The following SGCZ variants were observed in gnomAD, a reference collection of about 807,000 sequenced individuals.
SGCZ encodes sarcoglycan zeta, also known as zeta-sarcoglycan.
Under a neutral mutation model 41.3 loss-of-function variants are expected in SGCZ, and 40 were observed. The observed-to-expected ratio is 0.97, with a 90% CI of 0.75 to 1.26. The LOEUF (loss-of-function observed/expected upper bound fraction) is 1.26, where lower values mean the gene tolerates loss of function less well. Ranked by LOEUF, SGCZ falls within the 50% of genes most tolerant of loss-of-function variation. The pLI is 0.00. For synonymous variants in SGCZ, 206 were observed against 137.5 expected (o/e 1.50, Z -3.49); for missense variants, 552 against 369.8 (o/e 1.49, Z -4.04).
At chr8:14,195,426 G>C (rs1305158220) in intron 4 of SGCZ, among the ~76,000 whole-genome samples, 1 of 152,072 alleles carries the variant, frequency 6.6e-6, no homozygotes, top group African/African-American at 2.4e-5. Flanking sequence ...CTTCAGCTGA[G>C]TTCACGTACT....
At chr8:14,425,018 G>C (rs1347834832) in intron 2 of SGCZ, among the ~76,000 whole-genome samples, 1 of 152,100 alleles carries the variant, frequency 6.6e-6, no homozygotes, top group African/African-American at 2.4e-5. Context: ...TCGTTATTGA[G>C]CTTGAAATAT....
At chr8:15,192,573 G>C (rs1800578316) in intron 1 of SGCZ, among the ~76,000 whole-genome samples, 1 of 151,970 alleles carries the variant, frequency 6.6e-6, no homozygotes, top group Non-Finnish European at 1.5e-5. Flanking sequence ...TTGGTATTTG[G>C]AGGGACAGCC....
intron 1 of SGCZ, among the ~76,000 whole-genome samples, chr8:14,784,935 A>AT (rs1563267388): frequency 1.5e-4 from 10 of 68,526 alleles, no homozygotes; most frequent in South Asian, 5.0e-4. Flanking sequence ...TATATATATA[A>AT]AATATATATA....
At chr8:15,153,800 T>A (rs1485420033) in intron 1 of SGCZ, among the ~76,000 whole-genome samples, 1 of 152,134 alleles carries the variant, frequency 6.6e-6, no homozygotes, top group Non-Finnish European at 1.5e-5. Context: ...TGCAGGCCCA[T>A]GAGTCAATTA....
chr8:14,886,150 C>G (rs193283008), intron 1 of SGCZ, among the ~76,000 whole-genome samples: 1 of 150,654 alleles, frequency 6.6e-6, no homozygotes, highest in African/African-American at 2.4e-5. Flanking sequence ...TAAGCCAGAC[C>G]GTTAGTATTG....
chr8:14,123,258 A>G (rs1802754832), intron 5 of SGCZ, among the ~76,000 whole-genome samples: 1 of 152,234 alleles, frequency 6.6e-6, no homozygotes, highest in Admixed American at 6.5e-5. Context: ...TAAAGACCGA[A>G]AATAACAAAG....
intron 4 of SGCZ, among the ~76,000 whole-genome samples, chr8:14,196,172 G>C (rs145442875): frequency 0.01 from 1,589 of 151,976 alleles, 21 homozygotes; most frequent in Non-Finnish European, 0.017. Flanking sequence ...ATAAGCTATA[G>C]ATTTATATTA....
chr8:14,826,333 TG>T (rs1299404233), intron 1 of SGCZ, among the ~76,000 whole-genome samples: 1 of 152,148 alleles, frequency 6.6e-6, no homozygotes, highest in Non-Finnish European at 1.5e-5. Context: ...CAGTCTATCA[TG>T]GTTGGACATT....
intron 5 of SGCZ, among the ~76,000 whole-genome samples, chr8:14,157,406 T>C (rs1456795148): frequency 1.3e-5 from 2 of 148,702 alleles, no homozygotes; most frequent in Non-Finnish European, 3.0e-5. Flanking sequence ...GCTCAGCCCA[T>C]AGAAGCATCT....
chr8:14,325,661 T>C (rs1802069383), intron 2 of SGCZ, among the ~76,000 whole-genome samples: 1 of 142,810 alleles, frequency 7.0e-6, no homozygotes, highest in South Asian at 2.2e-4. Flanking sequence ...TGATATATAA[T>C]CATATTTTAA....
intron 1 of SGCZ, among the ~76,000 whole-genome samples, chr8:14,912,761 A>G (rs957715064): frequency 6.6e-6 from 1 of 152,096 alleles, no homozygotes; most frequent in Non-Finnish European, 1.5e-5. Flanking sequence ...CAGAATGCAG[A>G]AGCTTCCAGA....
intron 1 of SGCZ, among the ~76,000 whole-genome samples, chr8:15,041,822 TATAAC>T (rs1349599724): frequency 6.6e-6 from 1 of 151,930 alleles, no homozygotes; most frequent in Non-Finnish European, 1.5e-5. Context: ...AATCAGAAAA[TATAAC>T]ATATTAACTT....
chr8:14,648,023 G>C (rs920977302), intron 1 of SGCZ, among the ~76,000 whole-genome samples: 1 of 151,948 alleles, frequency 6.6e-6, no homozygotes, highest in Non-Finnish European at 1.5e-5. Flanking sequence ...TTCCCAGAGG[G>C]AGGTACCCTG....
intron 4 of SGCZ, among the ~76,000 whole-genome samples, chr8:14,189,827 G>C (rs770736551): frequency 2.6e-5 from 4 of 151,932 alleles, no homozygotes; most frequent in Admixed American, 6.6e-5. Flanking sequence ...ATTACTTCCA[G>C]GATTTGTATC....
chr8:15,101,466 G>A (rs1213948770), intron 1 of SGCZ, among the ~76,000 whole-genome samples: 1 of 152,116 alleles, frequency 6.6e-6, no homozygotes, highest in Non-Finnish European at 1.5e-5. Flanking sequence ...GACACAGATG[G>A]CAAATAAGCA....
intron 2 of SGCZ, among the ~76,000 whole-genome samples, chr8:14,491,952 AT>A (rs1377020317): frequency 6.9e-6 from 1 of 144,952 alleles, no homozygotes; most frequent in Non-Finnish European, 1.6e-5. Flanking sequence ...TTACTCAGAA[AT>A]TGTTCAATAA....
At chr8:15,032,491 G>A (rs925084941) in intron 1 of SGCZ, among the ~76,000 whole-genome samples, 1 of 152,042 alleles carries the variant, frequency 6.6e-6, no homozygotes, top group African/African-American at 2.4e-5. Context: ...GTGCCACCCA[G>A]GCCCCAGATG....
chr8:14,551,655 A>G (rs1563405183), intron 2 of SGCZ, among the ~76,000 whole-genome samples: 1 of 102,406 alleles, frequency 9.8e-6, no homozygotes, highest in Non-Finnish European at 1.9e-5. Flanking sequence ...AAATATATAT[A>G]TGAAAGTATG....
chr8:14,915,375 C>T (rs10108332), intron 1 of SGCZ, among the ~76,000 whole-genome samples: 16,061 of 151,996 alleles, frequency 0.11, 1,050 homozygotes, highest in African/African-American at 0.17. Context: ...TAGGAGTCCT[C>T]GGTAAGACTT....
Sources: gnomAD v4.1 joint callset for allele counts (sites outside exome capture counted in the v4.1 genomes callset) on GRCh38, gnomAD v4.1.1 for gene constraint, MANE v1.5 for transcripts, NCBI Gene and HGNC (gene_info 2026-07-23, HGNC 2026-07-21) for gene names.